Variants in INTS7 observed in about 807,000 individuals in gnomAD.
The protein encoded by INTS7 is integrator complex subunit 7.
A neutral mutation model predicts 109.2 loss-of-function variants in INTS7; 46 were observed. The observed-to-expected ratio is 0.42, with a 90% CI of 0.33 to 0.54. INTS7 has a LOEUF of 0.54. Ranked by LOEUF, INTS7 falls within the 20% of genes least tolerant of loss-of-function variation. INTS7 has a pLI of 0.07. For synonymous variants in INTS7, 412 were observed against 402.9 expected (o/e 1.02, Z -0.27); for missense variants, 929 against 1,132.4 (o/e 0.82, Z 2.58).
chr1:212,013,055 G>A (rs1408642559), intron 4 of INTS7, among the ~76,000 whole-genome samples: 1 of 152,198 alleles, frequency 6.6e-6, no homozygotes, highest in Non-Finnish European at 1.5e-5. Flanking sequence ...GTCATGTGCA[G>A]CATAACAACG....
At chr1:212,030,255 C>G (rs1205029338) in intron 1 of INTS7, among the ~76,000 whole-genome samples, 2 of 151,672 alleles carry the variant, frequency 1.3e-5, no homozygotes, top group Non-Finnish European at 2.9e-5. Context: ...TTAAGTTGCC[C>G]AGAGTCTCAC....
At chr1:212,003,858 G>GT (rs923936951) in intron 7 of INTS7, among the ~76,000 whole-genome samples, 3 of 152,136 alleles carry the variant, frequency 2.0e-5, no homozygotes, top group Non-Finnish European at 4.4e-5. Context: ...AAATGGAATG[G>GT]TAAGATATCA....
chr1:212,034,448 C>T (rs1472923972), intron 1 of INTS7, among the ~76,000 whole-genome samples: 1 of 152,170 alleles, frequency 6.6e-6, no homozygotes, highest in East Asian at 1.9e-4. Flanking sequence ...AGTTCTCCAA[C>T]ATTATATATT....
chr1:212,021,680 TAAAA>T (rs1169512759), intron 1 of INTS7, among the ~76,000 whole-genome samples: 1 of 127,038 alleles, frequency 7.9e-6, no homozygotes. Flanking sequence ...CCTCATCTCT[TAAAA>T]AAAAAAAAAA....
chr1:212,012,281 G>A (rs779513980), intron 4 of INTS7, among the ~76,000 whole-genome samples: 25 of 151,996 alleles, frequency 1.6e-4, no homozygotes, highest in African/African-American at 2.4e-5. Context: ...GGGAGGGGGC[G>A]GAGAACAGGA....
chr1:212,015,151 G>A (rs1038940272), intron 4 of INTS7, among the ~76,000 whole-genome samples: 17 of 151,684 alleles, frequency 1.1e-4, no homozygotes, highest in East Asian at 3.9e-4. Flanking sequence ...GCCCCTGCCC[G>A]GGAAGTGTGG....
intron 17 of INTS7, among the ~76,000 whole-genome samples, chr1:211,950,803 G>T (rs955098523): frequency 1.3e-5 from 2 of 152,130 alleles, no homozygotes; most frequent in Non-Finnish European, 2.9e-5. Context: ...GTCTTCTGCT[G>T]GGCAGAAAAT....
intron 16 of INTS7, among the ~76,000 whole-genome samples, chr1:211,962,169 TA>T (rs1663659744): frequency 7.9e-6 from 1 of 126,756 alleles, no homozygotes; most frequent in South Asian, 2.5e-4. Flanking sequence ...AATAAAGAGA[TA>T]GAGAAAAACC....
At position 211,942,381 on chromosome 1, in the gene INTS7, AC is replaced by A. The variant is rs1040967362; in HGVS notation, c.2602-271del. Among the ~76,000 whole-genome samples the A allele has an allele frequency of 9.2e-5, 14 of 151,944 alleles. No individual in the cohort carries two copies. The highest frequency in any genetic ancestry group is 3.4e-4 in the African/African-American group (14 of 41,354). On this transcript the variant is annotated intron_variant, in intron 19 of 19. Coordinates refer to ENST00000366994, the MANE Select transcript of INTS7 (RefSeq NM_015434.4). The surrounding 1 kb of genome is among the most constrained non-coding windows in gnomAD (Gnocchi z 4.2). ...TCTGAACTACTAAGTGATGCTCCTC[AC>A]TCTACTTGAGTAGAATGAGCTCCCA... is the stretch of plus-strand genomic sequence containing the variant.
intron 1 of INTS7, among the ~76,000 whole-genome samples, chr1:212,027,112 G>A (rs1321466287): frequency 6.6e-6 from 1 of 152,204 alleles, no homozygotes; most frequent in Non-Finnish European, 1.5e-5. Context: ...TGATGTAAGA[G>A]CCCTCCTTAG....
intron 7 of INTS7, among the ~76,000 whole-genome samples, chr1:212,003,672 A>G (rs1434848591): frequency 6.6e-6 from 1 of 152,244 alleles, no homozygotes; most frequent in African/African-American, 2.4e-5. Context: ...TTAATTATAC[A>G]AGACAATAAT....
intron 7 of INTS7, among the ~76,000 whole-genome samples, chr1:211,989,901 A>G (rs545886180): frequency 6.6e-6 from 1 of 152,258 alleles, no homozygotes; most frequent in South Asian, 2.1e-4. Context: ...ATGTAAACAA[A>G]TGTCTTTTAA....
chr1:212,020,401 A>G lies in INTS7; in HGVS notation c.225-133T>C, dbSNP rs948799125. On this transcript the variant is annotated intron_variant, in intron 2 of 19. Coordinates refer to ENST00000366994, the MANE Select transcript of INTS7 (RefSeq NM_015434.4). ...TCTTAACATTATTTGTTTAACTACT[A>G]AAAGAGTTAAAGTTTGTACTTTAGG... 12 of 630,922 alleles carry G rather than the reference A, an allele frequency of 1.9e-5. No homozygotes were observed. The Admixed American group carries it at 4.0e-4, about 21-fold the overall frequency. 39.1% of individuals were successfully genotyped at this position (630,922 alleles called of 1,614,324 possible).
intron 7 of INTS7, among the ~76,000 whole-genome samples, chr1:211,988,896 A>C (rs1472620022): frequency 6.6e-6 from 1 of 152,204 alleles, no homozygotes; most frequent in East Asian, 1.9e-4. Context: ...ATTACCAAAA[A>C]TAAGATGCTA....
intron 19 of INTS7, among the ~76,000 whole-genome samples, chr1:211,944,269 A>G (rs902142774): frequency 6.6e-6 from 1 of 152,046 alleles, no homozygotes; most frequent in Non-Finnish European, 1.5e-5. Flanking sequence ...TGTAAGAGAG[A>G]CCTTTCGTTA....
chr1:212,010,156 G>T (rs1486885407), intron 5 of INTS7, among the ~76,000 whole-genome samples: 1 of 152,110 alleles, frequency 6.6e-6, no homozygotes. Flanking sequence ...GAACATAATG[G>T]TATTACCTAT....
At chr1:211,992,376 AAT>A (rs1278919847) in intron 7 of INTS7, among the ~76,000 whole-genome samples, 2 of 152,186 alleles carry the variant, frequency 1.3e-5, no homozygotes, top group African/African-American at 4.8e-5. Context: ...TAAAAAACTG[AAT>A]ATTAGAAAAT....
At chr1:211,975,037 G>C (rs1664357843) in intron 13 of INTS7, 129 bp downstream of exon 13, 1 of 654,510 alleles carries the variant, frequency 1.5e-6, no homozygotes, top group Non-Finnish European at 2.7e-6. Flanking sequence ...AAAGGTTAAG[G>C]GTTTATTTCC....
chr1:212,020,154 ACTAT>A lies in INTS7; in HGVS notation c.335_338del (p.His112LeufsTer20). 6.2e-7 allele frequency: 1 copy of A among 1,608,060 alleles called. No homozygotes were observed. The highest frequency in any genetic ancestry group is 8.5e-7 in the Non-Finnish European group (1 of 1,176,378). On this transcript the variant is annotated frameshift_variant, in exon 3 of 20. Transcript: ENST00000366994. LOFTEE classifies it high-confidence loss of function. ...TGATGGCTCTTGCCACAGGATCATT[ACTAT>A]GAATCACAGAAAAAATTCTCTTCAC...
Sources: allele counts gnomAD v4.1 joint callset (sites outside exome capture counted in the v4.1 genomes callset), GRCh38; gene constraint gnomAD v4.1.1; non-coding constraint Gnocchi (gnomAD v3.1); transcripts MANE v1.5; gene names NCBI Gene and HGNC (gene_info 2026-07-23, HGNC 2026-07-21).